Variants in LIN9 observed in about 807,000 individuals in gnomAD.
The protein encoded by LIN9 is lin-9 DREAM MuvB core complex component.
A neutral mutation model predicts 78.0 loss-of-function variants in LIN9; 18 were observed. The ratio of observed to expected loss-of-function variants is 0.23; its 90% CI spans 0.16 to 0.34. The LOEUF (loss-of-function observed/expected upper bound fraction) is 0.34, where lower values mean the gene tolerates loss of function less well. Among genes scored for constraint, LIN9 ranks in the 10% least tolerant of loss-of-function variants. LIN9 has a pLI of 1.00. For missense variants in LIN9, 451 were observed against 644.1 expected, an observed-to-expected ratio of 0.70 and a Z score of 3.25; for synonymous variants, 192 against 215.2, an observed-to-expected ratio of 0.89 and a Z score of 0.94.
At chr1:226,280,353 A>G (rs1660966034) in intron 6 of LIN9, among the ~76,000 whole-genome samples, 1 of 152,244 alleles carries the variant, frequency 6.6e-6, no homozygotes, top group Non-Finnish European at 1.5e-5. Flanking sequence ...GAAAGAGCTT[A>G]GCTGATAATA....
intron 3 of LIN9, 118 bp downstream of exon 3, chr1:226,297,601 T>C: frequency 1.9e-6 from 1 of 537,904 alleles, no homozygotes; most frequent in East Asian, 3.0e-5. Context: ...TTAATGACAC[T>C]TGAGGTTGGG....
At chr1:226,305,260 A>C (rs1040862153) in intron 1 of LIN9, among the ~76,000 whole-genome samples, 3 of 144,146 alleles carry the variant, frequency 2.1e-5, no homozygotes, top group Non-Finnish European at 4.5e-5. Context: ...GCTTGAGGCC[A>C]GGAGTTTGAG....
In LIN9 at chr1:226,233,409, A is replaced by T. The variant is rs1657477334; in HGVS notation, c.1360T>A (p.Cys454Ser). The change falls in exon 13 of 15, where the codon TGC (cysteine) becomes AGC (serine). Residue 454 changes from cysteine (C) to serine (S), a missense_variant. Cys to Ser is a moderately radical substitution (Grantham distance 112, BLOSUM62 -1). Coordinates refer to ENST00000681046, the MANE Select transcript of LIN9 (RefSeq NM_001366245.2). ...RHANSSTGQP[C>S]VENENLTDLI... ...TCTGTCAGATTTTCATTTTCAACGCAGGGCTGTCCTGTTGAGGAATTTGCA... is the reference window on the plus strand; with the variant it reads ...TCTGTCAGATTTTCATTTTCAACGCTGGGCTGTCCTGTTGAGGAATTTGCA... 6.2e-7 allele frequency: 1 copy of T among 1,614,126 alleles called. No individual in the cohort carries two copies. Among genetic ancestry groups the T allele is most frequent in the East Asian group, 2.2e-5 (1 of 44,884 alleles).
rs536651400 is a variant in LIN9, at chr1:226,279,039, T to C, written c.525-1107A>G. ...AGCAGGGCATGGCGGCGGGTGCCTG[T>C]AGTCCCTGGTACTTGGGAGGCTGAG... is the stretch of plus-strand genomic sequence containing the variant. On this transcript the variant is annotated intron_variant, in intron 6 of 14. Coordinates refer to ENST00000681046, the MANE Select transcript of LIN9 (RefSeq NM_001366245.2). Among the ~76,000 whole-genome samples, 284 of 151,058 alleles carry C rather than the reference T, an allele frequency of 1.9e-3. 17 individuals carry two copies. In the South Asian group the frequency reaches 0.058, roughly 31 times the overall value.
At chr1:226,246,702 A>T (rs979304204) in intron 11 of LIN9, among the ~76,000 whole-genome samples, 3 of 148,420 alleles carry the variant, frequency 2.0e-5, no homozygotes, top group African/African-American at 7.4e-5. Context: ...CTAAGGCAGG[A>T]GAATGGTGTG....
intron 11 of LIN9, among the ~76,000 whole-genome samples, chr1:226,243,652 C>T (rs1416585700): frequency 1.6e-5 from 2 of 128,704 alleles, no homozygotes; most frequent in Non-Finnish European, 3.1e-5. Flanking sequence ...GCCAAGATTA[C>T]AGCACTGCAC....
In LIN9 at chr1:226,233,192, C is replaced by G; in HGVS notation, c.1427G>C (p.Cys476Ser). ...ATTCAGGTCTCCTCCTTCTGCTAGA[C>G]ACTAAAGGGAAAAAAATTTCAAAAT... Reference protein sequence around the residue: ...RLTAILLQIKCLAEGGDLNSF... With the variant: ...RLTAILLQIKSLAEGGDLNSF... Residue 476 changes from cysteine to serine, a missense_variant and splice_region_variant, in exon 14 of 15, where the codon TGT becomes TCT. Coordinates refer to ENST00000681046, the MANE Select transcript of LIN9 (RefSeq NM_001366245.2). The G allele has an allele frequency of 6.3e-7, 1 of 1,595,882 alleles. No individual in the cohort carries two copies. The highest frequency in any genetic ancestry group is 8.5e-7 in the Non-Finnish European group (1 of 1,172,778).
intron 10 of LIN9, among the ~76,000 whole-genome samples, chr1:226,252,875 G>C (rs1394966680): frequency 6.6e-6 from 1 of 152,120 alleles, no homozygotes; most frequent in Non-Finnish European, 1.5e-5. Flanking sequence ...GCTGAGGCAG[G>C]AGAATCGCTT....
intron 11 of LIN9, among the ~76,000 whole-genome samples, chr1:226,245,427 TTCC>T (rs1658409647): frequency 2.7e-5 from 2 of 74,492 alleles, no homozygotes; most frequent in African/African-American, 5.4e-5. Flanking sequence ...CTTGTCTTTT[TTCC>T]CCCCCCCCAA....
chr1:226,287,871 T>C (rs1399128145), intron 4 of LIN9, 74 bp from the exon 5 acceptor site: 3 of 1,092,134 alleles, frequency 2.7e-6, no homozygotes, highest in East Asian at 5.6e-5. Flanking sequence ...CTGAATAAAT[T>C]TGCAAAAGGT....
At chr1:226,239,134 G>GT (rs1558153739) in intron 11 of LIN9, 38 bp from the exon 12 acceptor site, 2 of 1,600,520 alleles carry the variant, frequency 1.2e-6, no homozygotes, top group East Asian at 4.5e-5. Flanking sequence ...GTAAGAGTTT[G>GT]TTTTTTAGCA....
rs1558197685 is a variant in LIN9 at position 226,289,671 on chromosome 1, T to C, written c.265-1874A>G. Among the ~76,000 whole-genome samples the C allele has an allele frequency of 3.3e-5, 5 of 151,998 alleles. No homozygotes were observed. The South Asian group carries it at 8.3e-4, about 25-fold the overall frequency. On this transcript the variant is annotated intron_variant, in intron 4 of 14. Transcript: ENST00000681046. ...GCTGCCATGCCCAGCCAAAATAATTTGATACTAGCACATATAGAGATATGC... is the reference window on the plus strand; with the variant it reads ...GCTGCCATGCCCAGCCAAAATAATTCGATACTAGCACATATAGAGATATGC...
At chr1:226,307,374 T>G (rs540884150) in intron 1 of LIN9, among the ~76,000 whole-genome samples, 1 of 152,384 alleles carries the variant, frequency 6.6e-6, no homozygotes, top group African/African-American at 2.4e-5. Context: ...GGCTCACGCC[T>G]GTAATCCCAG....
chr1:226,256,617 G>A (rs1033719210), intron 10 of LIN9, among the ~76,000 whole-genome samples: 1 of 151,596 alleles, frequency 6.6e-6, no homozygotes, highest in Non-Finnish European at 1.5e-5. Flanking sequence ...GGAGTGCAGT[G>A]GTGCGATCTT....
At chr1:226,237,162 T>C (rs1246621594) in intron 12 of LIN9, among the ~76,000 whole-genome samples, 3 of 152,204 alleles carry the variant, frequency 2.0e-5, no homozygotes, top group Admixed American at 6.5e-5. Flanking sequence ...TACAAAAAGA[T>C]TGATGAGCAA....
At chr1:226,268,173 A>G (rs989479715) in intron 7 of LIN9, 83 bp from the exon 8 acceptor site, 2 of 1,352,738 alleles carry the variant, frequency 1.5e-6, no homozygotes, top group African/African-American at 2.9e-5. Flanking sequence ...ATGTAATTTA[A>G]ATCATAGTAC....
intron 6 of LIN9, among the ~76,000 whole-genome samples, chr1:226,281,284 G>A (rs1661032655): frequency 1.3e-5 from 2 of 152,080 alleles, no homozygotes; most frequent in Non-Finnish European, 2.9e-5. Flanking sequence ...GGAAAAGGGA[G>A]GGGAGGATGA....
chr1:226,265,764 T>G lies in LIN9; in HGVS notation c.937-130A>C. On this transcript the variant is annotated intron_variant, in intron 9 of 14. Coordinates refer to ENST00000681046, the MANE Select transcript of LIN9 (RefSeq NM_001366245.2). This position sits in a 1 kb window ranked among gnomAD's most constrained non-coding sequence, Gnocchi z 4.1. Reference sequence around the variant, plus strand: ...TGTGATCTCGGCTCACTGCAATCTCTGACTCCTGGGTTCAAGCGATTCTCC... The same window carrying G: ...TGTGATCTCGGCTCACTGCAATCTCGGACTCCTGGGTTCAAGCGATTCTCC... The G allele has an allele frequency of 1.1e-5, 6 of 526,020 alleles. No individual in the cohort carries two copies. Among genetic ancestry groups the G allele is most frequent in the Middle Eastern group, 5.5e-4 (1 of 1,804 alleles). 32.6% of individuals were successfully genotyped at this position (526,020 alleles called of 1,614,324 possible).
chr1:226,237,632 CAAAA>C (rs1167453006), intron 12 of LIN9, among the ~76,000 whole-genome samples: 4 of 57,438 alleles, frequency 7.0e-5, no homozygotes, highest in East Asian at 5.4e-4. Context: ...AACTCTGTCT[CAAAA>C]AAAAAAAAAA....
Sources: gnomAD v4.1 joint callset for allele counts (sites outside exome capture counted in the v4.1 genomes callset) on GRCh38, gnomAD v4.1.1 for gene constraint, Gnocchi (gnomAD v3.1) non-coding constraint, MANE v1.5 for transcripts, NCBI Gene and HGNC (gene_info 2026-07-23, HGNC 2026-07-21) for gene names.